Variants in CD300A observed in about 807,000 individuals in gnomAD.
The protein encoded by CD300A is CMRF35-like molecule 8.
A neutral mutation model predicts 33.6 loss-of-function variants in CD300A; 22 were observed. The observed-to-expected ratio is 0.66, with a 90% CI of 0.47 to 0.94. The LOEUF (loss-of-function observed/expected upper bound fraction) is 0.94. Ranked by LOEUF, CD300A falls within the 40% of genes least tolerant of loss-of-function variation. The probability of loss-of-function intolerance (pLI) is 0.00; values close to 1 mark genes in which losing one functional copy is unlikely to be tolerated. For synonymous variants in CD300A, 136 were observed against 148.1 expected (o/e 0.92, Z 0.59); for missense variants, 326 against 360.5 (o/e 0.90, Z 0.77).
chr17:74,479,527 T>C (rs557803523), intron 4 of CD300A, among the ~76,000 whole-genome samples: 10 of 152,156 alleles, frequency 6.6e-5, no homozygotes, highest in African/African-American at 2.4e-4. Flanking sequence ...CCACACCCAG[T>C]CATGCATCTG....
intron 2 of CD300A, among the ~76,000 whole-genome samples, chr17:74,474,121 C>T (rs1052880797): frequency 3.3e-5 from 5 of 151,714 alleles, no homozygotes; most frequent in Non-Finnish European, 7.4e-5. Flanking sequence ...GAGCCAGGAG[C>T]GCACCTGTGG....
intron 1 of CD300A, among the ~76,000 whole-genome samples, chr17:74,468,096 G>A (rs190850206): frequency 3.6e-4 from 55 of 151,256 alleles, no homozygotes; most frequent in Non-Finnish European, 7.1e-4. Flanking sequence ...GTGCAGTGGC[G>A]CGATCTTGGC....
intron 4 of CD300A, among the ~76,000 whole-genome samples, chr17:74,479,066 T>G (rs748132745): frequency 1.3e-5 from 2 of 152,018 alleles, no homozygotes; most frequent in African/African-American, 2.4e-5. Flanking sequence ...AGGATGTATG[T>G]GATTATTGTA....
intron 3 of CD300A, 98 bp downstream of exon 3, chr17:74,474,783 A>C: frequency 1.5e-6 from 2 of 1,298,132 alleles, no homozygotes; most frequent in South Asian, 2.8e-5. Context: ...GGAGGTGTGC[A>C]TCGCTCCCTT....
chr17:74,472,945 C>T (rs138628811), intron 1 of CD300A, among the ~76,000 whole-genome samples: 1 of 152,234 alleles, frequency 6.6e-6, no homozygotes, highest in East Asian at 1.9e-4. Context: ...AACCCTATTA[C>T]TGCCCGGGTT....
rs966378640 is a variant in CD300A, at chr17:74,473,597, G to A, written c.102G>A (p.Val34=). ...VAGPVGGSLS[V]QCPYEKEHRT... Reference sequence around the variant, plus strand: ...GCCCCGTGGGGGGATCCCTGAGTGTGCAGTGTCCCTATGAGAAGGAACACA... The same window carrying A: ...GCCCCGTGGGGGGATCCCTGAGTGTACAGTGTCCCTATGAGAAGGAACACA... Residue 34 remains valine, a synonymous_variant, in exon 2 of 7, where the codon GTG becomes GTA. Coordinates refer to ENST00000360141, the MANE Select transcript of CD300A (RefSeq NM_007261.4). 5 of 1,614,098 alleles carry A rather than the reference G, an allele frequency of 3.1e-6. No homozygotes were observed. Among genetic ancestry groups the A allele is most frequent in the Non-Finnish European group, 3.4e-6 (4 of 1,180,040 alleles).
chr17:74,476,259 T>C (rs1906454803), intron 3 of CD300A, among the ~76,000 whole-genome samples: 1 of 152,196 alleles, frequency 6.6e-6, no homozygotes, highest in Non-Finnish European at 1.5e-5. Context: ...GTGTGATTCA[T>C]GAACAACAAA....
Position 74,467,000 on chromosome 17 carries a change from G to A in CD300A, c.40+257G>A, listed in dbSNP as rs1905754413. 1.0e-5 allele frequency: 14 copies of A among 1,379,406 alleles called. No homozygotes were observed. The Middle Eastern group carries it at 1.1e-3, about 108-fold the overall frequency. 85.4% of individuals were successfully genotyped at this position (1,379,406 alleles called of 1,614,324 possible). On this transcript the variant is annotated intron_variant, in intron 1 of 6. Coordinates refer to ENST00000360141, the MANE Select transcript of CD300A (RefSeq NM_007261.4). Reference sequence around the variant, plus strand: ...GCGGGGCAAGTGATAAGGGGTGGGTGCAGAAAAGGGACCTTTTAGGTTTTC... The same window carrying A: ...GCGGGGCAAGTGATAAGGGGTGGGTACAGAAAAGGGACCTTTTAGGTTTTC...
chr17:74,474,356 G>A lies in CD300A; in HGVS notation c.380-176G>A, dbSNP rs187471529. Among the ~76,000 whole-genome samples, 8 of 152,292 alleles carry A rather than the reference G, an allele frequency of 5.3e-5. No homozygotes were observed. In the East Asian group the frequency reaches 1.3e-3, roughly 26 times the overall value. On this transcript the variant is annotated intron_variant, in intron 2 of 6. Coordinates refer to ENST00000360141, the MANE Select transcript of CD300A (RefSeq NM_007261.4). ...CCACTGGGAGTGGCACCCGTGTCCTGTTCAGAAATGCCCAGTTGGCCCAGG... is the reference window on the plus strand; with the variant it reads ...CCACTGGGAGTGGCACCCGTGTCCTATTCAGAAATGCCCAGTTGGCCCAGG...
chr17:74,479,232 A>G (rs1035015138), intron 4 of CD300A, among the ~76,000 whole-genome samples: 1 of 151,016 alleles, frequency 6.6e-6, no homozygotes, highest in African/African-American at 2.4e-5. Context: ...TGCATCTATG[A>G]TTTCTTTTTT....
chr17:74,478,231 C>T (rs1347390673), intron 4 of CD300A, among the ~76,000 whole-genome samples: 1 of 152,226 alleles, frequency 6.6e-6, no homozygotes, highest in African/African-American at 2.4e-5. Flanking sequence ...TTCTTTGACT[C>T]CAAAGAGTGG....
intron 3 of CD300A, among the ~76,000 whole-genome samples, chr17:74,475,074 A>G (rs1906373889): frequency 6.6e-6 from 1 of 152,124 alleles, no homozygotes; most frequent in South Asian, 2.1e-4. Context: ...TTATAATGAG[A>G]AAGAGGTTTT....
Position 74,482,544 on chromosome 17 carries a change from C to T in CD300A, c.774+711C>T, listed in dbSNP as rs959194427. 4.0e-5 allele frequency among the ~76,000 whole-genome samples: 6 copies of T among 151,478 alleles called. No individual in the cohort carries two copies. In the East Asian group the frequency reaches 1.2e-3, roughly 29 times the overall value. ...CCCCAGGCCGCCGTTTTGCACCTGA[C>T]AGGAGAAGAGGGGATCCAGACCTGC... is the stretch of plus-strand genomic sequence containing the variant. On this transcript the variant is annotated intron_variant, in intron 6 of 6. Coordinates refer to ENST00000360141, the MANE Select transcript of CD300A (RefSeq NM_007261.4).
At chr17:74,479,430 T>A (rs1047452974) in intron 4 of CD300A, among the ~76,000 whole-genome samples, 2 of 150,986 alleles carry the variant, frequency 1.3e-5, no homozygotes, top group Non-Finnish European at 3.0e-5. Flanking sequence ...TTTTTTTTTT[T>A]AAGAGATGGG....
chr17:74,473,975 TGC>T, intron 2 of CD300A, 101 bp downstream of exon 2: 1 of 1,327,518 alleles, frequency 7.5e-7, no homozygotes, highest in Non-Finnish European at 1.0e-6. Context: ...TGTGTGTGTG[TGC>T]GTAAGAGAGA....
At chr17:74,479,987 C>A (rs995787597) in intron 4 of CD300A, among the ~76,000 whole-genome samples, 5 of 152,160 alleles carry the variant, frequency 3.3e-5, no homozygotes, top group African/African-American at 1.2e-4. Context: ...GTGAGCTTCC[C>A]CTACCGCTGG....
chr17:74,481,831 G>A lies in CD300A; in HGVS notation c.772G>A (p.Val258Met), dbSNP rs1906875152. The change falls in exon 6 of 7, where the codon GTG (valine) becomes ATG (methionine). Residue 258 changes from valine (V) to methionine (M), a missense_variant and splice_region_variant. By Grantham distance (21) the Val-to-Met change is conservative. Coordinates refer to ENST00000360141, the MANE Select transcript of CD300A (RefSeq NM_007261.4). ...GGAGGTGGAGGTGGAATACAGCACT[G>A]TGGTAAGTGCAGGAGCCCGGCTTTT... ...PREVEVEYST[V>M]ASPREELHYA... 4 of 1,607,840 alleles carry A rather than the reference G, an allele frequency of 2.5e-6. No homozygotes were observed. The highest frequency in any genetic ancestry group is 3.4e-6 in the Non-Finnish European group (4 of 1,176,834).
chr17:74,483,388 C>T (rs1472333396), intron 6 of CD300A, among the ~76,000 whole-genome samples: 2 of 150,014 alleles, frequency 1.3e-5, no homozygotes, highest in African/African-American at 4.9e-5. Context: ...AGACAGAGTC[C>T]CACTCTGTCG....
In CD300A at chr17:74,484,300, C is replaced by G. The variant is rs915500718; in HGVS notation, c.*174C>G. On this transcript the variant is annotated 3_prime_UTR_variant, in exon 7 of 7. Coordinates refer to ENST00000360141, the MANE Select transcript of CD300A (RefSeq NM_007261.4). ...TTGCCATCAGCTTGATTGGCTTCCC[C>G]GAGGGCCAGCAGGGCTGGGGGCTCC... 1.6e-6 allele frequency: 1 copy of G among 622,334 alleles called. No individual in the cohort carries two copies. The highest frequency in any genetic ancestry group is 2.7e-6 in the Non-Finnish European group (1 of 375,402). 38.6% of individuals were successfully genotyped at this position (622,334 alleles called of 1,614,324 possible). A position where few individuals can be genotyped will look rare whatever the true frequency, so the allele number is the denominator to read the frequency against.
Sources: gnomAD v4.1 joint callset for allele counts (sites outside exome capture counted in the v4.1 genomes callset) on GRCh38, gnomAD v4.1.1 for gene constraint, MANE v1.5 for transcripts, NCBI Gene and HGNC (gene_info 2026-07-23, HGNC 2026-07-21) for gene names.